Variants in ITSN1 observed in about 807,000 individuals in gnomAD.
ITSN1 encodes intersectin-1.
In ITSN1, 58 loss-of-function variants were observed where a neutral mutation model predicts 239.8. The ratio of observed to expected loss-of-function variants is 0.24; its 90% CI spans 0.20 to 0.30. The LOEUF is 0.30. ITSN1 is among the 10% of genes least tolerant of loss of function. ITSN1 has a pLI of 1.00. For synonymous variants in ITSN1, 780 were observed against 770.8 expected (o/e 1.01, Z -0.20); for missense variants, 1,558 against 2,103.3 (o/e 0.74, Z 5.07).
intron 29 of ITSN1, among the ~76,000 whole-genome samples, chr21:33,849,256 A>G (rs1352010469): frequency 6.6e-6 from 1 of 151,412 alleles, no homozygotes; most frequent in African/African-American, 2.4e-5. Flanking sequence ...AAACAAGAAC[A>G]ACAACAACAA....
chr21:33,883,067 G>GA (rs1373482494), intron 35 of ITSN1, among the ~76,000 whole-genome samples: 5 of 151,446 alleles, frequency 3.3e-5, no homozygotes, highest in East Asian at 1.9e-4. Context: ...TTTATTATGG[G>GA]AAAAAAAAGA....
At chr21:33,698,354 C>G (rs908287820) in intron 1 of ITSN1, among the ~76,000 whole-genome samples, 12 of 152,290 alleles carry the variant, frequency 7.9e-5, no homozygotes, top group South Asian at 2.1e-4. Context: ...GCCACTCCCC[C>G]CTAACAACAA....
intron 1 of ITSN1, among the ~76,000 whole-genome samples, chr21:33,664,356 G>T (rs1330836905): frequency 6.6e-6 from 1 of 152,100 alleles, no homozygotes; most frequent in Non-Finnish European, 1.5e-5. Context: ...GAGGTCACAT[G>T]GTGAGAGAGG....
At chr21:33,810,034 C>T (rs2072786379) in intron 20 of ITSN1, among the ~76,000 whole-genome samples, 1 of 152,186 alleles carries the variant, frequency 6.6e-6, no homozygotes. Context: ...CTCTGGTAAT[C>T]CCCCGCCTCA....
At chr21:33,677,886 C>G (rs1328706816) in intron 1 of ITSN1, among the ~76,000 whole-genome samples, 1 of 152,214 alleles carries the variant, frequency 6.6e-6, no homozygotes, top group Non-Finnish European at 1.5e-5. Flanking sequence ...CCACCACTGT[C>G]TCTCATGTGG....
At chr21:33,693,657 C>T (rs920402361) in intron 1 of ITSN1, among the ~76,000 whole-genome samples, 1 of 152,132 alleles carries the variant, frequency 6.6e-6, no homozygotes, top group South Asian at 2.1e-4. Context: ...GTACCCAGCC[C>T]CTTCTTGCTA....
chr21:33,679,416 A>G (rs995856445), intron 1 of ITSN1, among the ~76,000 whole-genome samples: 6 of 152,164 alleles, frequency 3.9e-5, no homozygotes, highest in Non-Finnish European at 5.9e-5. Context: ...CAATTTCACT[A>G]TTTTAGTTTT....
chr21:33,774,831 G>T lies in ITSN1; in HGVS notation c.1408G>T (p.Val470Leu), dbSNP rs566065722. 32 of 1,613,598 alleles carry T rather than the reference G, an allele frequency of 2.0e-5. No homozygotes were observed. In the East Asian group the frequency reaches 6.9e-4, roughly 35 times the overall value. ...QRNKEQEDIV[V>L]LKAKKKTLEF... is the part of the protein sequence containing the mutation. ...AAACAAAGAACAAGAGGACATAGTT[G>T]TACTGAAAGCAAAGAAAAAGACTTT... is the stretch of plus-strand genomic sequence containing the variant. Residue 470 changes from valine (V) to leucine (L), a missense_variant, in exon 13 of 40, where the codon GTA becomes TTA. Around this residue, in one of 2 missense-constraint regions of ITSN1, gnomAD observed 982 missense variants for 1,209.9 expected, o/e 0.81. Transcript: ENST00000381318.
At chr21:33,876,440 A>G (rs750254481) in intron 34 of ITSN1, among the ~76,000 whole-genome samples, 1 of 151,864 alleles carries the variant, frequency 6.6e-6, no homozygotes, top group Admixed American at 6.6e-5. Context: ...TCCCAGTTCA[A>G]TGCAGCCTGG....
rs1391893466 is a variant in ITSN1, at chr21:33,862,156, CTG to C, written c.3891-2991_3891-2990del. Among the ~76,000 whole-genome samples, 141 of 93,508 alleles carry C rather than the reference CTG, an allele frequency of 1.5e-3. 1 individual carries two copies. Among genetic ancestry groups the C allele is most frequent in the African/African-American group, 5.8e-3 (128 of 21,922 alleles). The allele number at this position is 93,508 out of a possible 152,430, so 61.3% of individuals were successfully genotyped here. A position where few individuals can be genotyped will look rare whatever the true frequency, so the allele number is the denominator to read the frequency against. ...CTTCAGCCTGGGCAACAGAGTGAGA[CTG>C]TGTCACAAAAAAAAAAAAAAAAAAA... is the stretch of plus-strand genomic sequence containing the variant. On this transcript the variant is annotated intron_variant, in intron 31 of 39. Coordinates refer to ENST00000381318, the MANE Select transcript of ITSN1 (RefSeq NM_003024.3).
intron 20 of ITSN1, among the ~76,000 whole-genome samples, chr21:33,806,910 A>G (rs1288668628): frequency 6.6e-6 from 1 of 152,164 alleles, no homozygotes; most frequent in Non-Finnish European, 1.5e-5. Flanking sequence ...CCAAAATTGG[A>G]TTGGCATTTT....
rs758936755 is a variant in ITSN1 at position 33,742,058 on chromosome 21, CT to C, written c.346+6870del. On this transcript the variant is annotated intron_variant, in intron 5 of 39. Transcript: ENST00000381318. ...TGTTCAACAACACTATTTTTAAAATCTTTTTTTTTTTTTTTTGAGGTGGAGT... is the reference window on the plus strand; with the variant it reads ...TGTTCAACAACACTATTTTTAAAATCTTTTTTTTTTTTTTTGAGGTGGAGT... Among the ~76,000 whole-genome samples, 891 of 138,794 alleles carry C rather than the reference CT, an allele frequency of 6.4e-3. 2 individuals carry two copies. The highest frequency in any genetic ancestry group is 0.014 in the African/African-American group (522 of 37,544). 91.1% of individuals were successfully genotyped at this position (138,794 alleles called of 152,430 possible).
At chr21:33,648,484 T>C (rs2088188249) in intron 1 of ITSN1, among the ~76,000 whole-genome samples, 1 of 152,166 alleles carries the variant, frequency 6.6e-6, no homozygotes, top group African/African-American at 2.4e-5. Flanking sequence ...CATGTACTAA[T>C]ATATAAACTG....
chr21:33,774,056 T>A (rs925651623), intron 12 of ITSN1, among the ~76,000 whole-genome samples: 1 of 152,216 alleles, frequency 6.6e-6, no homozygotes, highest in Non-Finnish European at 1.5e-5. Flanking sequence ...CAAACTTTTC[T>A]TCAACGTACC....
At chr21:33,658,444 C>T (rs548582352) in intron 1 of ITSN1, among the ~76,000 whole-genome samples, 1 of 152,194 alleles carries the variant, frequency 6.6e-6, no homozygotes, top group African/African-American at 2.4e-5. Flanking sequence ...GTTACAAACC[C>T]CTACAGCCTG....
intron 20 of ITSN1, among the ~76,000 whole-genome samples, chr21:33,806,718 G>T (rs1473157194): frequency 2.6e-5 from 4 of 152,202 alleles, no homozygotes; most frequent in African/African-American, 9.7e-5. Flanking sequence ...CCCCAAATAC[G>T]TTGGGGTGTT....
rs10529259 is a variant in ITSN1, at chr21:33,877,059, C to CTTTTTTTT, written c.4341+1543_4341+1550dup. On this transcript the variant is annotated intron_variant, in intron 34 of 39. Coordinates refer to ENST00000381318, the MANE Select transcript of ITSN1 (RefSeq NM_003024.3). ...TCCTTAGAACTTTACCTGTGGGCAC[C>CTTTTTTTT]TTTTTTTTTTTTGAAATGGAGTCTC... Among the ~76,000 whole-genome samples, 21 of 106,402 alleles carry CTTTTTTTT rather than the reference C, an allele frequency of 2.0e-4. 9 individuals carry two copies. Among genetic ancestry groups the CTTTTTTTT allele is most frequent in the Admixed American group, 2.1e-4 (2 of 9,718 alleles). The allele number at this position is 106,402 out of a possible 152,430, so 69.8% of individuals were successfully genotyped here.
intron 27 of ITSN1, among the ~76,000 whole-genome samples, chr21:33,832,832 G>A (rs1169751104): frequency 2.0e-5 from 3 of 152,182 alleles, no homozygotes; most frequent in Non-Finnish European, 4.4e-5. Flanking sequence ...GCAGGTGGGA[G>A]GGCAGAGGTA....
intron 1 of ITSN1, among the ~76,000 whole-genome samples, chr21:33,688,498 A>T (rs1433760036): frequency 1.3e-5 from 2 of 152,262 alleles, no homozygotes; most frequent in Admixed American, 6.5e-5. Context: ...TTCATTGAAT[A>T]CACATGGTTT....
Sources: allele counts gnomAD v4.1 joint callset (sites outside exome capture counted in the v4.1 genomes callset), GRCh38; gene constraint gnomAD v4.1.1; regional missense constraint gnomAD v4.1.1; transcripts MANE v1.5; gene names NCBI Gene and HGNC (gene_info 2026-07-23, HGNC 2026-07-21).